The following DOCK4 variants were observed in gnomAD, a reference collection of about 807,000 sequenced individuals.
The protein encoded by DOCK4 is dedicator of cytokinesis protein 4.
In DOCK4, 97 loss-of-function variants were observed where a neutral mutation model predicts 268.1. The observed-to-expected ratio is 0.36, with a 90% CI of 0.31 to 0.43. The LOEUF (loss-of-function observed/expected upper bound fraction) is 0.43. Ranked by LOEUF, DOCK4 falls within the 20% of genes least tolerant of loss-of-function variation. The pLI, the probability that DOCK4 is intolerant of heterozygous loss-of-function variation, is 1.00. For missense variants in DOCK4, 2,145 were observed against 2,455.7 expected, an observed-to-expected ratio of 0.87 and a Z score of 2.67; for synonymous variants, 954 against 887.2, an observed-to-expected ratio of 1.08 and a Z score of -1.34.
intron 7 of DOCK4, among the ~76,000 whole-genome samples, chr7:111,980,619 G>T (rs1453041913): frequency 1.3e-5 from 2 of 152,102 alleles, no homozygotes; most frequent in Non-Finnish European, 2.9e-5. Context: ...TTGTTGTGGG[G>T]GCTGTCCTGG....
At chr7:112,174,680 A>G (rs1295544994) in intron 1 of DOCK4, among the ~76,000 whole-genome samples, 1 of 152,132 alleles carries the variant, frequency 6.6e-6, no homozygotes, top group Non-Finnish European at 1.5e-5. Context: ...CCACCTTAGG[A>G]TAATGCAAGA....
At chr7:112,059,682 A>G (rs1445164086) in intron 1 of DOCK4, among the ~76,000 whole-genome samples, 3 of 152,210 alleles carry the variant, frequency 2.0e-5, no homozygotes, top group African/African-American at 7.2e-5. Context: ...ATAGTTAACT[A>G]ATGCAATAAT....
intron 13 of DOCK4, among the ~76,000 whole-genome samples, chr7:111,908,410 T>C (rs1225724087): frequency 5.9e-5 from 9 of 151,938 alleles, no homozygotes; most frequent in Admixed American, 4.6e-4. Context: ...ATCGTGCCAC[T>C]GCACTCCAGC....
At chr7:111,759,312 A>G (rs905122102) in intron 40 of DOCK4, among the ~76,000 whole-genome samples, 1 of 152,210 alleles carries the variant, frequency 6.6e-6, no homozygotes, top group Non-Finnish European at 1.5e-5. Context: ...GCCTTCCCAC[A>G]TCTGTGATAA....
chr7:111,935,493 G>A, intron 12 of DOCK4, 47 bp downstream of exon 12: 1 of 1,540,002 alleles, frequency 6.5e-7, no homozygotes, highest in Non-Finnish European at 9.0e-7. Flanking sequence ...AAAAAAAAGG[G>A]CTTGGAACGA....
intron 12 of DOCK4, among the ~76,000 whole-genome samples, chr7:111,927,509 C>T (rs927808887): frequency 2.0e-5 from 3 of 152,116 alleles, no homozygotes; most frequent in South Asian, 2.1e-4. Context: ...TGAGAGCATT[C>T]GAAGGGATTT....
chr7:111,762,689 T>C (rs1238559314), intron 39 of DOCK4, among the ~76,000 whole-genome samples: 2 of 151,720 alleles, frequency 1.3e-5, no homozygotes, highest in Non-Finnish European at 2.9e-5. Flanking sequence ...ATATTTTCAA[T>C]TTTCTTAAGC....
At chr7:111,902,678 G>T (rs1341765498) in intron 13 of DOCK4, among the ~76,000 whole-genome samples, 1 of 151,678 alleles carries the variant, frequency 6.6e-6, no homozygotes, top group Non-Finnish European at 1.5e-5. Context: ...AAAGGTAAAT[G>T]GTGAGATGGC....
intron 4 of DOCK4, among the ~76,000 whole-genome samples, chr7:111,998,177 A>T (rs951991299): frequency 1.3e-5 from 2 of 151,996 alleles, no homozygotes; most frequent in African/African-American, 4.8e-5. Flanking sequence ...AAAAGAACCA[A>T]CTCCTTCTGC....
At chr7:112,081,456 GA>G (rs1808576470) in intron 1 of DOCK4, among the ~76,000 whole-genome samples, 1 of 152,108 alleles carries the variant, frequency 6.6e-6, no homozygotes, top group South Asian at 2.1e-4. Flanking sequence ...AGCCTGACAC[GA>G]AAAGTGCAGA....
chr7:112,182,835 C>T (rs1174263961), intron 1 of DOCK4, among the ~76,000 whole-genome samples: 1 of 152,220 alleles, frequency 6.6e-6, no homozygotes. Context: ...AATGAGAACA[C>T]GATGGTGGCC....
intron 47 of DOCK4, among the ~76,000 whole-genome samples, chr7:111,740,729 TAAAAAAAAAAAAAA>T (rs59019816): frequency 1.5e-3 from 25 of 16,486 alleles, no homozygotes; most frequent in Middle Eastern, 0.071. Flanking sequence ...TGAGACTCGC[TAAAAAAAAAAAAAA>T]AAAAAAAAAA....
intron 16 of DOCK4, among the ~76,000 whole-genome samples, chr7:111,891,512 CT>C (rs1449654270): frequency 6.6e-6 from 1 of 152,142 alleles, no homozygotes; most frequent in African/African-American, 2.4e-5. Context: ...ATTTAAATTA[CT>C]TCCATGTTTT....
At chr7:112,155,195 CCCAA>C (rs1278572985) in intron 1 of DOCK4, among the ~76,000 whole-genome samples, 2 of 152,132 alleles carry the variant, frequency 1.3e-5, no homozygotes, top group Admixed American at 6.5e-5. Flanking sequence ...ACCTGTTTTC[CCCAA>C]CTACTTTTAA....
At chr7:112,034,034 C>T (rs150925073) in intron 1 of DOCK4, among the ~76,000 whole-genome samples, 1 of 152,232 alleles carries the variant, frequency 6.6e-6, no homozygotes, top group African/African-American at 2.4e-5. Flanking sequence ...CTCTCTCAAA[C>T]CTAATATTTT....
chr7:112,156,730 T>A (rs977287532), intron 1 of DOCK4, among the ~76,000 whole-genome samples: 3 of 152,178 alleles, frequency 2.0e-5, no homozygotes, highest in African/African-American at 7.2e-5. Context: ...AATTATATAC[T>A]TGGCTATAAA....
chr7:111,956,726 T>C (rs1388709690), intron 8 of DOCK4, among the ~76,000 whole-genome samples: 2 of 152,226 alleles, frequency 1.3e-5, no homozygotes, highest in Non-Finnish European at 2.9e-5. Flanking sequence ...CACCTTCTTC[T>C]TTCCCCTCCA....
At chr7:112,148,979 T>C (rs2116367341) in intron 1 of DOCK4, among the ~76,000 whole-genome samples, 1 of 152,324 alleles carries the variant, frequency 6.6e-6, no homozygotes, top group South Asian at 2.1e-4. Context: ...GTGAAGTCTC[T>C]GGCCACTGAG....
At chr7:111,862,615 C>A (rs549729509) in intron 23 of DOCK4, among the ~76,000 whole-genome samples, 12 of 150,394 alleles carry the variant, frequency 8.0e-5, no homozygotes, top group Non-Finnish European at 1.3e-4. Flanking sequence ...CTCAGCCTCC[C>A]GAGTAGATGG....
Sources: gnomAD v4.1 joint callset for allele counts (sites outside exome capture counted in the v4.1 genomes callset) on GRCh38, gnomAD v4.1.1 for gene constraint, MANE v1.5 for transcripts, NCBI Gene and HGNC (gene_info 2026-07-23, HGNC 2026-07-21) for gene names.